The following JAG2 variants were observed in gnomAD, a reference collection of about 807,000 sequenced individuals.
JAG2 encodes jagged canonical Notch ligand 2.
JAG2 carries 46 observed loss-of-function variants against 141.7 expected under a neutral mutation model. The observed-to-expected ratio is 0.32, with a 90% confidence interval of 0.26 to 0.42. The LOEUF (loss-of-function observed/expected upper bound fraction) is 0.42. Ranked by LOEUF, JAG2 falls within the 10% of genes least tolerant of loss-of-function variation. The pLI is 1.00. For synonymous variants in JAG2, 862 were observed against 763.5 expected, an observed-to-expected ratio of 1.13 and a Z score of -2.13; for missense variants, 1,500 against 1,817.5, an observed-to-expected ratio of 0.83 and a Z score of 3.18.
At chr14:105,165,861 C>T (rs1459669766) in intron 2 of JAG2, among the ~76,000 whole-genome samples, 1 of 152,260 alleles carries the variant, frequency 6.6e-6, no homozygotes, top group African/African-American at 2.4e-5. Flanking sequence ...CGGTCCTTGC[C>T]TTCCCATCAC....
chr14:105,151,791 C>T, intron 7 of JAG2, 52 bp from the exon 8 acceptor site: 1 of 1,600,132 alleles, frequency 6.2e-7, no homozygotes. Context: ...CCCAGCTTTC[C>T]ACAAGCACTC....
chr14:105,155,702 C>T (rs1233867237), intron 4 of JAG2, 36 bp downstream of exon 4: 1 of 1,612,480 alleles, frequency 6.2e-7, no homozygotes, highest in Non-Finnish European at 8.5e-7. Flanking sequence ...GCCCGAGGCC[C>T]TCCCTGCCCT....
intron 2 of JAG2, among the ~76,000 whole-genome samples, chr14:105,158,356 T>C (rs2072673): frequency 0.7 from 106,351 of 152,042 alleles, 37,974 homozygotes; most frequent in African/African-American, 0.85. Flanking sequence ...ACCTCCACCC[T>C]CACACAGAAC....
At position 105,157,589 on chromosome 14, in the gene JAG2, G is replaced by A. The variant is rs796740710; in HGVS notation, c.475+117C>T. The A allele has an allele frequency of 4.9e-5, 50 of 1,023,186 alleles. No individual in the cohort carries two copies. In the African/African-American group the frequency reaches 6.5e-4, roughly 13 times the overall value. The allele number at this position is 1,023,186 out of a possible 1,614,324, so 63.4% of individuals were successfully genotyped here. On this transcript the variant is annotated intron_variant, in intron 3 of 25. Coordinates refer to ENST00000331782, the MANE Select transcript of JAG2 (RefSeq NM_002226.5). Reference sequence around the variant, plus strand: ...GGCAGCCAAAGCAAAAAGGGAAACAGCACACATGATCCTCAGGGTAAAGCA... The same window carrying A: ...GGCAGCCAAAGCAAAAAGGGAAACAACACACATGATCCTCAGGGTAAAGCA...
At chr14:105,160,758 G>C (rs1888723950) in intron 2 of JAG2, among the ~76,000 whole-genome samples, 1 of 152,006 alleles carries the variant, frequency 6.6e-6, no homozygotes, top group African/African-American at 2.4e-5. Flanking sequence ...AGCTACTCTG[G>C]AGGCTGAGGC....
intron 17 of JAG2, 107 bp downstream of exon 17, chr14:105,148,009 T>C (rs184345802): frequency 4.6e-6 from 5 of 1,081,378 alleles, no homozygotes; most frequent in Non-Finnish European, 6.8e-6. Context: ...AGGGGGCAGG[T>C]GGCAGGTGTG....
rs781251917 is a variant in JAG2 at position 105,152,243 on chromosome 14, G to A, written c.837C>T (p.Tyr279=). 6.2e-7 allele frequency: 1 copy of A among 1,613,520 alleles called. No homozygotes were observed. The highest frequency in any genetic ancestry group is 8.5e-7 in the Non-Finnish European group (1 of 1,180,008). The change falls in exon 6 of 26, where the codon TAC becomes TAT. Residue 279 remains tyrosine, a synonymous_variant. Coordinates refer to ENST00000331782, the MANE Select transcript of JAG2 (RefSeq NM_002226.5). Reference sequence around the variant, plus strand: ...CACAACTGCCATGCACGCAGCCGGGGTAGGGGACACACTCATCGCAGAACC... The same window carrying A: ...CACAACTGCCATGCACGCAGCCGGGATAGGGGACACACTCATCGCAGAACC... ...QGRFCDECVP[Y]PGCVHGSCVE...
At chr14:105,144,010 G>C (rs1386516371) in intron 24 of JAG2, among the ~76,000 whole-genome samples, 1 of 149,544 alleles carries the variant, frequency 6.7e-6, no homozygotes, top group Non-Finnish European at 1.5e-5. Flanking sequence ...GTGGGGGGAA[G>C]TGGAGGGGTG....
chr14:105,143,584 G>A lies in JAG2; in HGVS notation c.3139C>T (p.His1047Tyr), dbSNP rs1888130879. Residue 1047 changes from histidine to tyrosine, a missense_variant, in exon 25 of 26, where the codon CAC (histidine) becomes TAC (tyrosine). His to Tyr is a moderately conservative substitution (Grantham distance 83, BLOSUM62 2). Around this residue, in one of 3 missense-constraint regions of JAG2, gnomAD observed 425 missense variants for 441.0 expected, o/e 0.96. Coordinates refer to ENST00000331782, the MANE Select transcript of JAG2 (RefSeq NM_002226.5). Reference sequence around the variant, plus strand: ...TGGGTGATGGCGGCCACGATGGCGTGGGCCGCGCCCTGGATCAGGCTGCTG... The same window carrying A: ...TGGGTGATGGCGGCCACGATGGCGTAGGCCGCGCCCTGGATCAGGCTGCTG... Reference protein sequence around the residue: ...PDSSLIQGAAHAIVAAITQRG... With the variant: ...PDSSLIQGAAYAIVAAITQRG... The A allele has an allele frequency of 3.1e-6, 5 of 1,606,482 alleles. No homozygotes were observed. In the East Asian group the frequency reaches 1.1e-4, roughly 36 times the overall value.
Position 105,148,934 on chromosome 14 carries a change from C to T in JAG2, c.1906+3G>A. ...CACCAGCCCGCCGTTCGTGGCCACT[C>T]ACTCTCATGGCAGTAGGTGCCAGTA... On this transcript the variant is annotated splice_donor_region_variant and intron_variant, in intron 14 of 25. Coordinates refer to ENST00000331782, the MANE Select transcript of JAG2 (RefSeq NM_002226.5). The T allele has an allele frequency of 1.2e-6, 2 of 1,605,060 alleles. No individual in the cohort carries two copies. Among genetic ancestry groups the T allele is most frequent in the African/African-American group, 1.3e-5 (1 of 74,880 alleles).
At chr14:105,159,768 C>G (rs1442826137) in intron 2 of JAG2, among the ~76,000 whole-genome samples, 2 of 77,228 alleles carry the variant, frequency 2.6e-5, no homozygotes, top group Admixed American at 1.3e-4. Context: ...CCACACCCCC[C>G]CAGAGTTCCA....
intron 3 of JAG2, among the ~76,000 whole-genome samples, chr14:105,157,216 G>A (rs990474220): frequency 6.6e-6 from 1 of 152,054 alleles, no homozygotes; most frequent in African/African-American, 2.4e-5. Context: ...GCCCAGCCCC[G>A]GCTGCTCCCC....
chr14:105,165,197 C>G (rs901426523), intron 2 of JAG2, among the ~76,000 whole-genome samples: 1 of 152,146 alleles, frequency 6.6e-6, no homozygotes. Flanking sequence ...CCAACTGCCA[C>G]CACCCTGCTC....
rs587685089 is a variant in JAG2, at chr14:105,151,409, G to A, written c.1154-13C>T. 5 of 1,606,526 alleles carry A rather than the reference G, an allele frequency of 3.1e-6. No individual in the cohort carries two copies. The East Asian group carries it at 8.9e-5, about 29-fold the overall frequency. ...CACTCATCGATGTCTGCAGAGGGTG[G>A]AGAAAGGTGGGGCCCTGGCAGTGTG... is the stretch of plus-strand genomic sequence containing the variant. On this transcript the variant is annotated splice_polypyrimidine_tract_variant and intron_variant, in intron 8 of 25. Coordinates refer to ENST00000331782, the MANE Select transcript of JAG2 (RefSeq NM_002226.5).
chr14:105,144,961 G>T lies in JAG2; in HGVS notation c.3053C>A (p.Ser1018Tyr), dbSNP rs751112793. 6 of 1,604,354 alleles carry T rather than the reference G, an allele frequency of 3.7e-6. No homozygotes were observed. In the South Asian group the frequency reaches 4.4e-5, roughly 12 times the overall value. ...CACCTCCACAGCACTGGCCCCCGAG[G>T]ACGCCCGGTCGCAAAGCAACACCAG... is the stretch of plus-strand genomic sequence containing the variant. Reference protein sequence around the residue: ...RLLVLLCDRASSGASAVEVAV... With the variant: ...RLLVLLCDRAYSGASAVEVAV... Residue 1018 changes from serine to tyrosine, a missense_variant, in exon 24 of 26, where the codon TCC becomes TAC. Ser to Tyr is a moderately radical substitution (Grantham distance 144). Coordinates refer to ENST00000331782, the MANE Select transcript of JAG2 (RefSeq NM_002226.5).
chr14:105,147,802 C>T lies in JAG2; in HGVS notation c.2335G>A (p.Asp779Asn), dbSNP rs763566089. The T allele has an allele frequency of 3.2e-6, 5 of 1,549,258 alleles. No homozygotes were observed. In the South Asian group the frequency reaches 6.0e-5, roughly 18 times the overall value. Residue 779 changes from aspartate (D) to asparagine (N), a missense_variant, in exon 18 of 26, where the codon GAC becomes AAC. By Grantham distance (23) the Asp-to-Asn change is conservative. Transcript: ENST00000331782. ...GTGCAAGTACGACCCTCCCAGCCGT[C>T]CCGGCAGATGCAGGAGAAGGAGGCC... ...SGASFSCICR[D>N]GWEGRTCTHN...
rs1888081788 is a variant in JAG2, at chr14:105,142,317, G to C, written c.*378C>G. 4.6e-6 allele frequency: 1 copy of C among 219,160 alleles called. No individual in the cohort carries two copies. Among genetic ancestry groups the C allele is most frequent in the Non-Finnish European group, 9.0e-6 (1 of 110,908 alleles). 13.6% of individuals were successfully genotyped at this position (219,160 alleles called of 1,614,324 possible). ...CAGCCATGGGTCTCACCGGCACTTTGGCCTGGAGCCACAGAGAAACCCGAG... is the reference window on the plus strand; with the variant it reads ...CAGCCATGGGTCTCACCGGCACTTTCGCCTGGAGCCACAGAGAAACCCGAG... On this transcript the variant is annotated 3_prime_UTR_variant, in exon 26 of 26. Coordinates refer to ENST00000331782, the MANE Select transcript of JAG2 (RefSeq NM_002226.5).
chr14:105,145,940 C>T lies in JAG2; in HGVS notation c.2743G>A (p.Gly915Ser), dbSNP rs751874102. The T allele has an allele frequency of 1.1e-5, 17 of 1,584,744 alleles. No homozygotes were observed. In the South Asian group the frequency reaches 1.6e-4, roughly 15 times the overall value. The change falls in exon 23 of 26, where the codon GGC becomes AGC. Residue 915 changes from glycine (G) to serine (S), a missense_variant. Coordinates refer to ENST00000331782, the MANE Select transcript of JAG2 (RefSeq NM_002226.5). The part of the protein sequence containing the change: ...WCGWKPCLLA[G>S]QPEALSAQCP... Reference sequence around the variant, plus strand: ...TGGGCGCTCAGGGCCTCGGGCTGGCCGGCCAGCAGACAAGGCTTCCATCCG... The same window carrying T: ...TGGGCGCTCAGGGCCTCGGGCTGGCTGGCCAGCAGACAAGGCTTCCATCCG...
chr14:105,158,479 C>T (rs1465269113), intron 2 of JAG2, among the ~76,000 whole-genome samples: 4 of 152,138 alleles, frequency 2.6e-5, no homozygotes, highest in Non-Finnish European at 5.9e-5. Flanking sequence ...GCCCCCGGGC[C>T]ACCTGGCCCT....
Sources: allele counts gnomAD v4.1 joint callset (sites outside exome capture counted in the v4.1 genomes callset), GRCh38; gene constraint gnomAD v4.1.1; regional missense constraint gnomAD v4.1.1; transcripts MANE v1.5; gene names NCBI Gene and HGNC (gene_info 2026-07-23, HGNC 2026-07-21).